Variants in FAM193A observed in about 807,000 individuals in gnomAD.
FAM193A encodes the protein family with sequence similarity 193 member A.
FAM193A carries 22 observed loss-of-function variants against 126.5 expected under a neutral mutation model. The observed-to-expected ratio is 0.17, with a 90% CI of 0.12 to 0.25. The LOEUF is 0.25. FAM193A is among the 10% of genes least tolerant of loss of function. FAM193A has a pLI of 1.00. For synonymous variants in FAM193A, 761 were observed against 646.8 expected, an observed-to-expected ratio of 1.18 and a Z score of -2.68; for missense variants, 1,675 against 1,672.8, an observed-to-expected ratio of 1.00 and a Z score of -0.02.
chr4:2,597,901 A>G (rs374858634), intron 2 of FAM193A, among the ~76,000 whole-genome samples: 8 of 149,886 alleles, frequency 5.3e-5, no homozygotes, highest in South Asian at 2.1e-4. Flanking sequence ...TCTGGTAACC[A>G]CTCACCTGAA....
At chr4:2,578,889 A>T (rs9996550) in intron 1 of FAM193A, among the ~76,000 whole-genome samples, 1 of 151,590 alleles carries the variant, frequency 6.6e-6, no homozygotes, top group Non-Finnish European at 1.5e-5. Context: ...GAGGAGGAGG[A>T]GGCGGAAGAG....
At chr4:2,622,750 G>A (rs1241621068) in intron 2 of FAM193A, among the ~76,000 whole-genome samples, 1 of 152,142 alleles carries the variant, frequency 6.6e-6, no homozygotes, top group Non-Finnish European at 1.5e-5. Flanking sequence ...GAAGGATGTG[G>A]CAGCTCTCTG....
intron 10 of FAM193A, among the ~76,000 whole-genome samples, chr4:2,661,395 G>A (rs1219854283): frequency 1.3e-5 from 2 of 152,138 alleles, no homozygotes; most frequent in Non-Finnish European, 2.9e-5. Context: ...GGATCTTTAC[G>A]GAGCTAGGGC....
intron 7 of FAM193A, among the ~76,000 whole-genome samples, chr4:2,656,240 A>T (rs1255709246): frequency 6.6e-6 from 1 of 152,210 alleles, no homozygotes; most frequent in African/African-American, 2.4e-5. Context: ...TTTCTGTCCC[A>T]TGAAGGGTTT....
chr4:2,656,983 A>G (rs917944982), intron 7 of FAM193A, among the ~76,000 whole-genome samples: 1 of 152,146 alleles, frequency 6.6e-6, no homozygotes, highest in Admixed American at 6.5e-5. Flanking sequence ...CCTGGCCAAC[A>G]TGGTGAAACA....
At chr4:2,677,469 G>A (rs1281023024) in intron 13 of FAM193A, among the ~76,000 whole-genome samples, 3 of 151,700 alleles carry the variant, frequency 2.0e-5, no homozygotes, top group Non-Finnish European at 4.4e-5. Flanking sequence ...GGCCGGGCAC[G>A]GTGGCTTACA....
At chr4:2,681,673 A>C (rs13139534) in intron 13 of FAM193A, among the ~76,000 whole-genome samples, 14,888 of 152,162 alleles carry the variant, frequency 0.098, 954 homozygotes, top group African/African-American at 0.18. Flanking sequence ...CATGTTGCCC[A>C]GGTTGGTCTC....
At chr4:2,679,121 T>C (rs1321923069) in intron 13 of FAM193A, among the ~76,000 whole-genome samples, 1 of 152,210 alleles carries the variant, frequency 6.6e-6, no homozygotes, top group Admixed American at 6.5e-5. Flanking sequence ...GTTTTTGTAA[T>C]GAATGGGTGT....
At chr4:2,677,133 T>C (rs185130570) in intron 13 of FAM193A, among the ~76,000 whole-genome samples, 1 of 152,286 alleles carries the variant, frequency 6.6e-6, no homozygotes, top group East Asian at 1.9e-4. Context: ...TATATGGTGT[T>C]AGGTAAGGGT....
intron 19 of FAM193A, chr4:2,715,404 A>C (rs982119238): frequency 1.1e-5 from 7 of 629,578 alleles, no homozygotes; most frequent in South Asian, 1.4e-4. Flanking sequence ...TGGAGGTTCC[A>C]GTGAGCCGAG....
chr4:2,701,466 C>T lies in FAM193A; in HGVS notation c.4372+922C>T, dbSNP rs554755437. Among the ~76,000 whole-genome samples the T allele has an allele frequency of 5.9e-5, 9 of 152,160 alleles. No homozygotes were observed. In the South Asian group the frequency reaches 1.9e-3, roughly 32 times the overall value. On this transcript the variant is annotated intron_variant, in intron 19 of 20. Coordinates refer to ENST00000637812, the MANE Select transcript of FAM193A (RefSeq NM_001366318.2). ...GGATCCCTTGGTCAGGGTGCATGCC[C>T]CATGTCTTCCCAGTCAGGTTCAGAT...
rs189573282 is a variant in FAM193A, at chr4:2,725,667, A to G, written c.4455-6108A>G. On this transcript the variant is annotated intron_variant, in intron 20 of 20. Coordinates refer to ENST00000637812, the MANE Select transcript of FAM193A (RefSeq NM_001366318.2). The stretch of plus-strand genomic sequence containing the variant: ...CCTGTAGTTCAACAGTTTATAGCCA[A>G]TCACTATCAATATAATTTCTGTAAA... Among the ~76,000 whole-genome samples the G allele has an allele frequency of 2.7e-3, 416 of 151,688 alleles. 1 individual carries two copies. The highest frequency in any genetic ancestry group is 7.7e-3 in the African/African-American group (319 of 41,352).
chr4:2,543,338 C>T (rs1232768908), intron 1 of FAM193A, among the ~76,000 whole-genome samples: 3 of 151,962 alleles, frequency 2.0e-5, no homozygotes, highest in Non-Finnish European at 4.4e-5. Context: ...GTACCCGCCT[C>T]GGCCTCTCAA....
chr4:2,694,822 A>AC, intron 16 of FAM193A, 124 bp from the exon 17 acceptor site: 1 of 769,938 alleles, frequency 1.3e-6, no homozygotes, highest in Non-Finnish European at 2.0e-6. Context: ...CCCTGGGACT[A>AC]TGCACCCTCT....
intron 7 of FAM193A, among the ~76,000 whole-genome samples, chr4:2,647,356 G>C (rs1745255329): frequency 6.6e-6 from 1 of 151,956 alleles, no homozygotes; most frequent in Non-Finnish European, 1.5e-5. Flanking sequence ...ATGTTGGTCA[G>C]GCTGGTCTCG....
intron 7 of FAM193A, among the ~76,000 whole-genome samples, chr4:2,648,591 A>G (rs1745367786): frequency 6.6e-6 from 1 of 152,230 alleles, no homozygotes; most frequent in African/African-American, 2.4e-5. Context: ...TGGGGAGGGC[A>G]GAGTCTCCTG....
intron 2 of FAM193A, among the ~76,000 whole-genome samples, chr4:2,599,860 C>T (rs1231354151): frequency 2.0e-5 from 3 of 151,894 alleles, no homozygotes; most frequent in Admixed American, 6.6e-5. Context: ...CTCAGCCTCC[C>T]GAGTAGCTGG....
chr4:2,631,195 T>C, intron 5 of FAM193A, 26 bp downstream of exon 5: 1 of 1,580,590 alleles, frequency 6.3e-7, no homozygotes, highest in Non-Finnish European at 8.6e-7. Flanking sequence ...TGTTTTTCTT[T>C]CTGTTTGGAT....
intron 13 of FAM193A, among the ~76,000 whole-genome samples, chr4:2,678,584 A>T (rs992668413): frequency 6.6e-6 from 1 of 150,886 alleles, no homozygotes; most frequent in South Asian, 2.1e-4. Context: ...GCTGGTCTCG[A>T]ACTCCTGACC....
Sources: allele counts gnomAD v4.1 joint callset (sites outside exome capture counted in the v4.1 genomes callset), GRCh38; gene constraint gnomAD v4.1.1; transcripts MANE v1.5; gene names NCBI Gene and HGNC (gene_info 2026-07-23, HGNC 2026-07-21).